The following RABGAP1 variants were observed in gnomAD, a reference collection of about 807,000 sequenced individuals.
The protein encoded by RABGAP1 is RAB GTPase activating protein 1.
Under a neutral mutation model 137.6 loss-of-function variants are expected in RABGAP1, and 23 were observed. The ratio of observed to expected loss-of-function variants is 0.17; its 90% CI spans 0.12 to 0.24. RABGAP1 has a LOEUF of 0.24. RABGAP1 is among the 10% of genes least tolerant of loss of function. RABGAP1 has a pLI of 1.00. For synonymous variants in RABGAP1, 451 were observed against 450.7 expected, an observed-to-expected ratio of 1.00 and a Z score of -0.01; for missense variants, 906 against 1,275.8, an observed-to-expected ratio of 0.71 and a Z score of 4.42.
At chr9:122,948,287 T>C (rs541043701) in intron 1 of RABGAP1, among the ~76,000 whole-genome samples, 3 of 152,024 alleles carry the variant, frequency 2.0e-5, no homozygotes, top group East Asian at 3.9e-4. Context: ...GGGAGCAGCA[T>C]AGAGGATGGA....
intron 15 of RABGAP1, among the ~76,000 whole-genome samples, chr9:123,071,189 C>A (rs527652142): frequency 6.6e-6 from 1 of 152,184 alleles, no homozygotes; most frequent in African/African-American, 2.4e-5. Context: ...AATACACATT[C>A]AATTTTCTCC....
In RABGAP1 at chr9:122,957,178, A is replaced by G. The variant is rs1306559568; in HGVS notation, c.119A>G (p.Asn40Ser). Residue 40 changes from asparagine (N) to serine (S), a missense_variant, in exon 2 of 26, where the codon AAT becomes AGT. By Grantham distance (46) the Asn-to-Ser change is conservative (BLOSUM62 1). Around this residue, in one of 9 missense-constraint regions of RABGAP1, gnomAD observed 331 missense variants for 358.3 expected, o/e 0.92. Coordinates refer to ENST00000373647, the MANE Select transcript of RABGAP1 (RefSeq NM_012197.4). ...RQGDETPSTN[N>S]GSDDEKTGLK... is the part of the protein sequence containing the mutation. ...GGAGATGAGACACCATCTACAAATA[A>G]TGGAAGTGATGATGAGAAAACAGGA... 6.4e-7 allele frequency: 1 copy of G among 1,558,192 alleles called. No individual in the cohort carries two copies. Among genetic ancestry groups the G allele is most frequent in the Non-Finnish European group, 8.8e-7 (1 of 1,141,610 alleles).
intron 13 of RABGAP1, chr9:123,034,538 T>A: frequency 5.6e-6 from 8 of 1,440,126 alleles, no homozygotes; most frequent in Non-Finnish European, 7.6e-6. Flanking sequence ...AGCGGCAGCA[T>A]GAAGTGACAG....
intron 2 of RABGAP1, among the ~76,000 whole-genome samples, chr9:122,965,016 C>G (rs1179558863): frequency 6.6e-6 from 1 of 151,778 alleles, no homozygotes; most frequent in Non-Finnish European, 1.5e-5. Flanking sequence ...AAAAAGATTT[C>G]AAGAAAAGTG....
chr9:122,998,967 T>C (rs1564391229), intron 10 of RABGAP1, among the ~76,000 whole-genome samples: 1 of 152,166 alleles, frequency 6.6e-6, no homozygotes, highest in Non-Finnish European at 1.5e-5. Context: ...ACATTTCCAT[T>C]TGGTCTCATT....
intron 4 of RABGAP1, among the ~76,000 whole-genome samples, chr9:122,989,019 G>T (rs754789983): frequency 2.1e-5 from 3 of 143,148 alleles, no homozygotes; most frequent in Non-Finnish European, 4.6e-5. Flanking sequence ...TCTTTATTTT[G>T]TAGCAGACTG....
chr9:122,990,568 G>A (rs537856025), intron 6 of RABGAP1: 3 of 154,764 alleles, frequency 1.9e-5, no homozygotes, highest in African/African-American at 7.3e-5. Flanking sequence ...TCGGGAGTTC[G>A]AGATGAGCCT....
chr9:123,012,386 A>G (rs1447881389), intron 11 of RABGAP1, among the ~76,000 whole-genome samples: 1 of 152,208 alleles, frequency 6.6e-6, no homozygotes, highest in Non-Finnish European at 1.5e-5. Flanking sequence ...AAACAAAACA[A>G]ACACAAAAAT....
chr9:123,057,049 C>T (rs1314371905), intron 13 of RABGAP1, among the ~76,000 whole-genome samples: 10 of 150,750 alleles, frequency 6.6e-5, no homozygotes, highest in East Asian at 2.0e-4. Flanking sequence ...CCAGTAGGGG[C>T]GGCCGGGCAG....
intron 2 of RABGAP1, among the ~76,000 whole-genome samples, chr9:122,962,413 T>C (rs1834900419): frequency 6.6e-6 from 1 of 151,732 alleles, no homozygotes. Flanking sequence ...GAAGGTGACT[T>C]GGGAGGCTGA....
chr9:122,938,563 T>C (rs1172131188), upstream of RABGAP1: 1 of 152,214 alleles, frequency 6.6e-6, no homozygotes, highest in Non-Finnish European at 1.5e-5. Context: ...CTATAGTCTA[T>C]TTTTAAAATG....
chr9:123,007,765 C>A (rs1306573917), intron 10 of RABGAP1, among the ~76,000 whole-genome samples: 1 of 150,742 alleles, frequency 6.6e-6, no homozygotes, highest in East Asian at 1.9e-4. Context: ...GATGTTGAGT[C>A]ATCTTATCCA....
At chr9:123,038,280 C>G (rs962644191) in intron 13 of RABGAP1, among the ~76,000 whole-genome samples, 1 of 152,148 alleles carries the variant, frequency 6.6e-6, no homozygotes, top group African/African-American at 2.4e-5. Context: ...AGCTTTATTG[C>G]TGGATAAATT....
chr9:122,957,038 T>C lies in RABGAP1; in HGVS notation c.-22T>C. On this transcript the variant is annotated 5_prime_UTR_variant, in exon 2 of 26. Transcript: ENST00000373647. ...ATTAAAAAATATTTAATCATTCATG[T>C]GTTGAGACTCATTCTTGAGTTATGG... 5 of 1,457,468 alleles carry C rather than the reference T, an allele frequency of 3.4e-6. No homozygotes were observed. The highest frequency in any genetic ancestry group is 4.6e-6 in the Non-Finnish European group (5 of 1,085,642). The allele number at this position is 1,457,468 out of a possible 1,614,324, so 90.3% of individuals were successfully genotyped here.
In RABGAP1 at chr9:122,953,064, A is replaced by G. The variant is rs118140538; in HGVS notation, c.-49-3947A>G. Among the ~76,000 whole-genome samples, 37 of 152,292 alleles carry G rather than the reference A, an allele frequency of 2.4e-4. 1 individual carries two copies. In the East Asian group the frequency reaches 6.6e-3, roughly 27 times the overall value. On this transcript the variant is annotated intron_variant, in intron 1 of 25. Coordinates refer to ENST00000373647, the MANE Select transcript of RABGAP1 (RefSeq NM_012197.4). ...CTTAGAATGTGAAATTAGGAAATTA[A>G]TTTATTTATTTTTTCCTCAGTAATG...
chr9:123,020,998 C>G, intron 13 of RABGAP1: 4 of 576,424 alleles, frequency 6.9e-6, no homozygotes, highest in Non-Finnish European at 8.8e-6. Context: ...ATTTCTTCTA[C>G]AAGCATATCA....
chr9:122,943,186 C>A (rs1264028079), intron 1 of RABGAP1, among the ~76,000 whole-genome samples: 1 of 146,698 alleles, frequency 6.8e-6, no homozygotes, highest in Non-Finnish European at 1.5e-5. Flanking sequence ...GGAACTGATT[C>A]TCCTGACTCA....
chr9:122,999,205 A>C (rs573518042), intron 10 of RABGAP1, among the ~76,000 whole-genome samples: 91 of 151,612 alleles, frequency 6.0e-4, no homozygotes, highest in African/African-American at 2.1e-3. Context: ...TTTTGAGATG[A>C]AGTCTCGCTC....
At chr9:122,961,051 C>T (rs1353485137) in intron 2 of RABGAP1, among the ~76,000 whole-genome samples, 1 of 151,760 alleles carries the variant, frequency 6.6e-6, no homozygotes, top group African/African-American at 2.4e-5. Context: ...TACCAACATG[C>T]TTGTAATAGG....
Sources: allele counts gnomAD v4.1 joint callset (sites outside exome capture counted in the v4.1 genomes callset), GRCh38; gene constraint gnomAD v4.1.1; regional missense constraint gnomAD v4.1.1; transcripts MANE v1.5; gene names NCBI Gene and HGNC (gene_info 2026-07-23, HGNC 2026-07-21).